The following TRPC7 variants were observed in gnomAD, a reference collection of about 807,000 sequenced individuals.
The protein encoded by TRPC7 is short transient receptor potential channel 7.
Under a neutral mutation model 90.1 loss-of-function variants are expected in TRPC7, and 42 were observed. The observed-to-expected ratio is 0.47, with a 90% CI of 0.36 to 0.60. TRPC7 has a LOEUF of 0.60. Ranked by LOEUF, TRPC7 falls within the 20% of genes least tolerant of loss-of-function variation. The pLI, the probability that TRPC7 is intolerant of heterozygous loss-of-function variation, is 0.00. For synonymous variants in TRPC7, 451 were observed against 436.3 expected, an observed-to-expected ratio of 1.03 and a Z score of -0.42; for missense variants, 955 against 1,112.3, an observed-to-expected ratio of 0.86 and a Z score of 2.01.
intron 4 of TRPC7, among the ~76,000 whole-genome samples, chr5:136,270,800 C>T (rs1031307900): frequency 6.6e-6 from 1 of 152,200 alleles, no homozygotes; most frequent in East Asian, 1.9e-4. Context: ...AATCCTATCT[C>T]AGCAGGGTGA....
intron 2 of TRPC7, among the ~76,000 whole-genome samples, chr5:136,322,629 G>A (rs988157140): frequency 2.6e-5 from 4 of 151,952 alleles, no homozygotes; most frequent in African/African-American, 7.3e-5. Flanking sequence ...TCAGTCTCCC[G>A]AGTAGCTGGG....
intron 5 of TRPC7, among the ~76,000 whole-genome samples, chr5:136,261,384 G>A (rs562077661): frequency 2.6e-5 from 4 of 152,188 alleles, no homozygotes; most frequent in South Asian, 2.1e-4. Flanking sequence ...ACATGTTCCC[G>A]CTACTGCATC....
chr5:136,333,884 T>G (rs1759576468), intron 2 of TRPC7, among the ~76,000 whole-genome samples: 1 of 152,214 alleles, frequency 6.6e-6, no homozygotes, highest in African/African-American at 2.4e-5. Context: ...GCATTGCCCA[T>G]ATAATTACAA....
chr5:136,352,873 G>C (rs546305233), intron 2 of TRPC7, among the ~76,000 whole-genome samples: 19 of 152,306 alleles, frequency 1.2e-4, no homozygotes, highest in Admixed American at 1.0e-3. Flanking sequence ...AGTTTCTTTA[G>C]AGCTTCCTCG....
chr5:136,296,442 T>C (rs116199385), intron 3 of TRPC7, among the ~76,000 whole-genome samples: 16 of 151,930 alleles, frequency 1.1e-4, no homozygotes, highest in African/African-American at 3.9e-4. Flanking sequence ...GAAATTCAAC[T>C]TCAGGAAATA....
intron 2 of TRPC7, among the ~76,000 whole-genome samples, chr5:136,338,527 G>A (rs1329682711): frequency 6.6e-6 from 1 of 152,114 alleles, no homozygotes; most frequent in East Asian, 1.9e-4. Flanking sequence ...TCGCTCAGGC[G>A]GGACATGTTT....
At chr5:136,221,462 G>C (rs1439010668) in intron 10 of TRPC7, among the ~76,000 whole-genome samples, 1 of 152,090 alleles carries the variant, frequency 6.6e-6, no homozygotes, top group Non-Finnish European at 1.5e-5. Context: ...GGCCGCTGAT[G>C]GTGAAGGGGA....
At chr5:136,345,615 G>A (rs111824590) in intron 2 of TRPC7, among the ~76,000 whole-genome samples, 5 of 152,108 alleles carry the variant, frequency 3.3e-5, no homozygotes, top group African/African-American at 1.2e-4. Flanking sequence ...TGTCAGATGA[G>A]TAGATTATAA....
chr5:136,225,970 C>T (rs1476024412), intron 9 of TRPC7, 64 bp downstream of exon 9: 2 of 1,409,016 alleles, frequency 1.4e-6, no homozygotes, highest in Non-Finnish European at 1.9e-6. Context: ...GACTCAAACA[C>T]ACTCTAGACT....
At chr5:136,321,784 C>A (rs1759207118) in intron 2 of TRPC7, among the ~76,000 whole-genome samples, 1 of 152,136 alleles carries the variant, frequency 6.6e-6, no homozygotes. Flanking sequence ...AAGTGCCTTA[C>A]AAATGGACTG....
chr5:136,315,645 A>G lies in TRPC7; in HGVS notation c.915T>C (p.Arg305=). 6.2e-7 allele frequency: 1 copy of G among 1,613,866 alleles called. No homozygotes were observed. The highest frequency in any genetic ancestry group is 1.1e-5 in the South Asian group (1 of 91,070). Residue 305 remains arginine (R), a synonymous_variant, in exon 3 of 12, where the codon CGT becomes CGC. Coordinates refer to ENST00000513104, the MANE Select transcript of TRPC7 (RefSeq NM_020389.3). ...CGAGTTTGATCCGGCTCAGACTTGG[A>G]CGGTGGTGGTCGGACCAGACTTGGA... ...VNFQVWSDHH[R]PSLSRIKLAI...
intron 10 of TRPC7, among the ~76,000 whole-genome samples, chr5:136,220,132 T>C (rs1459165055): frequency 6.6e-6 from 1 of 152,242 alleles, no homozygotes; most frequent in African/African-American, 2.4e-5. Context: ...ACTGTGATGA[T>C]TGCTTTAAGT....
At chr5:136,219,008 G>A (rs1203432373) in intron 10 of TRPC7, among the ~76,000 whole-genome samples, 1 of 152,230 alleles carries the variant, frequency 6.6e-6, no homozygotes, top group African/African-American at 2.4e-5. Context: ...CTTCATCTGA[G>A]CATCAAAACA....
At chr5:136,272,738 G>A (rs944607525) in intron 4 of TRPC7, among the ~76,000 whole-genome samples, 2 of 152,070 alleles carry the variant, frequency 1.3e-5, no homozygotes, top group Non-Finnish European at 2.9e-5. Flanking sequence ...CTAAACAGAG[G>A]TGAGGAAACC....
chr5:136,330,919 C>T (rs1323725046), intron 2 of TRPC7, among the ~76,000 whole-genome samples: 2 of 152,298 alleles, frequency 1.3e-5, no homozygotes, highest in East Asian at 3.9e-4. Context: ...ATGAGTCCTC[C>T]AGCCCCAGCT....
At chr5:136,238,848 G>A (rs1022411452) in intron 7 of TRPC7, among the ~76,000 whole-genome samples, 1 of 152,170 alleles carries the variant, frequency 6.6e-6, no homozygotes, top group African/African-American at 2.4e-5. Context: ...AACATTTTAC[G>A]ATAGTAGAGT....
intron 5 of TRPC7, among the ~76,000 whole-genome samples, chr5:136,257,071 G>C (rs1756708575): frequency 6.6e-6 from 1 of 152,194 alleles, no homozygotes; most frequent in African/African-American, 2.4e-5. Flanking sequence ...TTCGAGTGAT[G>C]AGCTGATCAG....
intron 2 of TRPC7, among the ~76,000 whole-genome samples, chr5:136,318,638 G>T (rs1457972880): frequency 1.3e-5 from 2 of 152,084 alleles, no homozygotes; most frequent in Non-Finnish European, 2.9e-5. Context: ...CCCATTTTCT[G>T]ATGACCTAAT....
At chr5:136,221,995 C>T (rs764528788) in intron 10 of TRPC7, 2 of 152,156 alleles carry the variant, frequency 1.3e-5, no homozygotes, top group Non-Finnish European at 2.9e-5. Context: ...GATCTTGAAA[C>T]AGATCACAGG....
Sources: allele counts gnomAD v4.1 joint callset (sites outside exome capture counted in the v4.1 genomes callset), GRCh38; gene constraint gnomAD v4.1.1; transcripts MANE v1.5; gene names NCBI Gene and HGNC (gene_info 2026-07-23, HGNC 2026-07-21).